Variants in GUF1 observed in about 807,000 individuals in gnomAD.
GUF1 encodes GTP binding elongation factor GUF1, also known as translation factor GUF1, mitochondrial.
In GUF1, 78 loss-of-function variants were observed where a neutral mutation model predicts 82.4. That is an observed-to-expected ratio of 0.95 (90% CI 0.79 to 1.14). The LOEUF is 1.14. Ranked by LOEUF, GUF1 falls within the 50% of genes most tolerant of loss-of-function variation. GUF1 has a pLI of 0.00. For synonymous variants in GUF1, 279 were observed against 282.3 expected, an observed-to-expected ratio of 0.99 and a Z score of 0.12; for missense variants, 814 against 798.2, an observed-to-expected ratio of 1.02 and a Z score of -0.24.
At position 44,686,656 on chromosome 4, in the gene GUF1, C is replaced by T; in HGVS notation, c.881C>T (p.Thr294Ile). 6.2e-7 allele frequency: 1 copy of T among 1,611,730 alleles called. No individual in the cohort carries two copies. Among genetic ancestry groups the T allele is most frequent in the East Asian group, 2.2e-5 (1 of 44,754 alleles). Residue 294 changes from threonine to isoleucine, a missense_variant, in exon 8 of 17, where the codon ACA becomes ATA. Coordinates refer to ENST00000281543, the MANE Select transcript of GUF1 (RefSeq NM_021927.3). Reference protein sequence around the residue: ...DKIVSAHTQKTYEVNEVGVLN... With the variant: ...DKIVSAHTQKIYEVNEVGVLN... ...ATTGTATCTGCACATACTCAAAAGA[C>T]ATACGAAGTTAATGAAGTAGGAGTC...
chr4:44,689,225 G>A, intron 9 of GUF1, 61 bp from the exon 10 acceptor site: 1 of 1,395,526 alleles, frequency 7.2e-7, no homozygotes, highest in Non-Finnish European at 9.4e-7. Context: ...CACTACACAT[G>A]TGGTTTGATA....
intron 4 of GUF1, among the ~76,000 whole-genome samples, chr4:44,681,762 T>G (rs1714786197): frequency 6.6e-6 from 1 of 152,072 alleles, no homozygotes; most frequent in Non-Finnish European, 1.5e-5. Context: ...TTAGTGGTGG[T>G]GGTGACCGTG....
Position 44,689,411 on chromosome 4 carries a change from T to A in GUF1, c.1202+2T>A. ...CCTTGCTCTGGGTGCTGGCTGGAGGTAAGATTCATTCACATGTGTTTTATA... is the reference window on the plus strand; with the variant it reads ...CCTTGCTCTGGGTGCTGGCTGGAGGAAAGATTCATTCACATGTGTTTTATA... On this transcript the variant is annotated splice_donor_variant, in intron 10 of 16. Transcript: ENST00000281543. LOFTEE classifies it high-confidence loss of function. 1 of 1,599,918 alleles carries A rather than the reference T, an allele frequency of 6.3e-7. No individual in the cohort carries two copies. The highest frequency in any genetic ancestry group is 1.7e-4 in the Middle Eastern group (1 of 5,982).
chr4:44,682,919 A>T (rs936760641), intron 5 of GUF1, among the ~76,000 whole-genome samples: 3 of 152,096 alleles, frequency 2.0e-5, no homozygotes, highest in Non-Finnish European at 4.4e-5. Context: ...GTCAGACTTA[A>T]TGTTGTATTT....
intron 14 of GUF1, 83 bp from the exon 15 acceptor site, chr4:44,695,532 A>T: frequency 8.4e-7 from 1 of 1,190,898 alleles, no homozygotes; most frequent in Non-Finnish European, 1.2e-6. Context: ...GATCACCTTT[A>T]CACTGATTAT....
intron 6 of GUF1, 145 bp downstream of exon 6, chr4:44,683,463 C>G (rs115479010): frequency 0.013 from 7,030 of 538,640 alleles, 125 homozygotes; most frequent in South Asian, 0.063. Flanking sequence ...TTCCTTTGAT[C>G]CTTATCAAAA....
chr4:44,685,053 G>A (rs1714971339), intron 6 of GUF1, among the ~76,000 whole-genome samples: 1 of 152,130 alleles, frequency 6.6e-6, no homozygotes, highest in Non-Finnish European at 1.5e-5. Flanking sequence ...GATGGATCTT[G>A]GAGTCCCATC....
In GUF1 at chr4:44,689,862, TTGCACA is replaced by T; in HGVS notation, c.1225_1230del (p.His409_Met410del). The stretch of plus-strand genomic sequence containing the variant: ...CCCCAGGCTAGGATTTCTTGGACTT[TTGCACA>T]TGGAAGTTTTCAACCAGCGACTGGA... On this transcript the variant is annotated inframe_deletion, in exon 11 of 17. Coordinates refer to ENST00000281543, the MANE Select transcript of GUF1 (RefSeq NM_021927.3). 6.2e-7 allele frequency: 1 copy of T among 1,605,028 alleles called. No individual in the cohort carries two copies. Among genetic ancestry groups the T allele is most frequent in the Non-Finnish European group, 8.5e-7 (1 of 1,173,952 alleles).
At chr4:44,680,670 A>G in intron 2 of GUF1, 24 bp from the exon 3 acceptor site, 2 of 1,516,470 alleles carry the variant, frequency 1.3e-6, no homozygotes, top group Non-Finnish European at 1.8e-6. Context: ...CCAGAGAAAT[A>G]TCAATAAGTG....
chr4:44,683,240 T>C lies in GUF1; in HGVS notation c.591T>C (p.Asp197=), dbSNP rs374262581. The C allele has an allele frequency of 2.4e-5, 38 of 1,559,644 alleles. No homozygotes were observed. Among genetic ancestry groups the C allele is most frequent in the Non-Finnish European group, 3.2e-5 (37 of 1,149,862 alleles). Residue 197 remains aspartate, a synonymous_variant, in exon 6 of 17, where the codon GAT becomes GAC. Transcript: ENST00000281543. ...LSVIPVINKI[D]LKNADPERVE... Reference sequence around the variant, plus strand: ...ATGGATTTTTTTTTTTAAAGATAGATCTGAAGAATGCTGATCCTGAAAGGG... The same window carrying C: ...ATGGATTTTTTTTTTTAAAGATAGACCTGAAGAATGCTGATCCTGAAAGGG...
rs1358970699 is a variant in GUF1 at position 44,699,739 on chromosome 4, A to G, written c.*1058A>G. ...ACAGACATCTGCTCTAGTTAATGAT[A>G]AAATGTTTATAGATTTTATCAGGTG... On this transcript the variant is annotated 3_prime_UTR_variant, in exon 17 of 17. Transcript: ENST00000281543. The G allele has an allele frequency of 6.6e-6, 1 of 152,364 alleles. No individual in the cohort carries two copies. Among genetic ancestry groups the G allele is most frequent in the Non-Finnish European group, 1.5e-5 (1 of 68,042 alleles). The allele number at this position is 152,364 out of a possible 1,614,324, so 9.4% of individuals were successfully genotyped here.
intron 1 of GUF1, among the ~76,000 whole-genome samples, 153 bp downstream of exon 1, chr4:44,678,940 A>G (rs996735615): frequency 2.0e-5 from 3 of 152,206 alleles, no homozygotes; most frequent in Admixed American, 1.3e-4. Flanking sequence ...AGCACTGCTC[A>G]GGTTCCCGAC....
At position 44,678,617 on chromosome 4, in the gene GUF1, C is replaced by T. The variant is rs773856971; in HGVS notation, c.-6C>T. On this transcript the variant is annotated 5_prime_UTR_variant, in exon 1 of 17. Transcript: ENST00000281543. ...ACCCTCTCCTGACGCCTCCGCCGCC[C>T]GGGTCATGTGGACCCTCGTGGGTCG... 3 of 1,449,938 alleles carry T rather than the reference C, an allele frequency of 2.1e-6. No individual in the cohort carries two copies. The highest frequency in any genetic ancestry group is 1.6e-5 in the South Asian group (1 of 62,214). 89.8% of individuals were successfully genotyped at this position (1,449,938 alleles called of 1,614,324 possible).
chr4:44,678,921 G>A, intron 1 of GUF1, 134 bp downstream of exon 1: 2 of 884,580 alleles, frequency 2.3e-6, no homozygotes, highest in East Asian at 3.3e-5. Context: ...AGGCAGAGCG[G>A]AGAGTGTGAG....
intron 15 of GUF1, 134 bp from the exon 16 acceptor site, chr4:44,697,274 C>A: frequency 2.2e-6 from 1 of 451,238 alleles, no homozygotes; most frequent in Non-Finnish European, 4.1e-6. Flanking sequence ...AATTAATATG[C>A]TTATGGCAAT....
At chr4:44,697,847 T>C (rs1321973464) in intron 16 of GUF1, among the ~76,000 whole-genome samples, 1 of 152,110 alleles carries the variant, frequency 6.6e-6, no homozygotes, top group East Asian at 1.9e-4. Flanking sequence ...TATTCAGCTG[T>C]TAAAAAATTA....
In GUF1 at chr4:44,689,286, GA is replaced by G. The variant is rs761314398; in HGVS notation, c.1081del (p.Met361CysfsTer4). On this transcript the variant is annotated frameshift_variant and splice_region_variant, in exon 10 of 17. Coordinates refer to ENST00000281543, the MANE Select transcript of GUF1 (RefSeq NM_021927.3). LOFTEE classifies it high-confidence loss of function. ...TAATTAGAAATCATTGTATCCCCAG[GA>G]ATGTATCCTCTAGACCAATCTGAAT... ...FKSAKPMVFA[G>X]MYPLDQSEYN... 3.2e-6 allele frequency: 5 copies of G among 1,584,296 alleles called. No individual in the cohort carries two copies. The highest frequency in any genetic ancestry group is 3.4e-6 in the Non-Finnish European group (4 of 1,164,520).
chr4:44,684,826 T>C (rs1291431978), intron 6 of GUF1, among the ~76,000 whole-genome samples: 1 of 152,136 alleles, frequency 6.6e-6, no homozygotes, highest in African/African-American at 2.4e-5. Context: ...GAGATAAGTA[T>C]ATAAGAAGCA....
chr4:44,690,386 G>A (rs1715356901), intron 11 of GUF1, among the ~76,000 whole-genome samples: 1 of 151,764 alleles, frequency 6.6e-6, no homozygotes, highest in African/African-American at 2.4e-5. Flanking sequence ...AATCAGTGAT[G>A]AAGACAGTAT....
Sources: gnomAD v4.1 joint callset for allele counts (sites outside exome capture counted in the v4.1 genomes callset) on GRCh38, gnomAD v4.1.1 for gene constraint, MANE v1.5 for transcripts, NCBI Gene and HGNC (gene_info 2026-07-23, HGNC 2026-07-21) for gene names.